Variants in SNX29 observed in about 807,000 individuals in gnomAD.
SNX29 encodes the protein sorting nexin-29.
Under a neutral mutation model 102.1 loss-of-function variants are expected in SNX29, and 78 were observed. The ratio of observed to expected loss-of-function variants is 0.76; its 90% confidence interval spans 0.64 to 0.92. The LOEUF is 0.92. Among genes scored for constraint, SNX29 ranks in the 40% least tolerant of loss-of-function variants. The probability of loss-of-function intolerance (pLI) is 0.00; values close to 1 mark genes in which losing one functional copy is unlikely to be tolerated. For synonymous variants in SNX29, 580 were observed against 414.5 expected (o/e 1.40, Z -4.85); for missense variants, 1,280 against 1,061.7 (o/e 1.21, Z -2.86).
intron 16 of SNX29, among the ~76,000 whole-genome samples, chr16:12,362,046 G>C (rs34453468): frequency 0.98 from 149,002 of 152,336 alleles, 72,888 homozygotes; most frequent in East Asian, 1. Flanking sequence ...TGAATTCCTT[G>C]TTCTGTGTCC....
chr16:12,270,789 C>T (rs1288592929), intron 14 of SNX29, among the ~76,000 whole-genome samples: 1 of 152,104 alleles, frequency 6.6e-6, no homozygotes, highest in African/African-American at 2.4e-5. Context: ...TGTCAGTAAT[C>T]CCAGCACTTT....
chr16:12,558,949 C>G (rs75614405), intron 20 of SNX29, among the ~76,000 whole-genome samples: 1,614 of 152,284 alleles, frequency 0.011, 23 homozygotes, highest in African/African-American at 0.037. Context: ...ATATCGGCCC[C>G]ATGTTTCAGG....
At chr16:12,457,830 A>C (rs2086605109) in intron 18 of SNX29, among the ~76,000 whole-genome samples, 1 of 152,234 alleles carries the variant, frequency 6.6e-6, no homozygotes, top group Non-Finnish European at 1.5e-5. Context: ...CATTGGGTAA[A>C]TTAACTGTAT....
chr16:12,532,570 G>A (rs1037956344), intron 20 of SNX29, among the ~76,000 whole-genome samples: 3 of 152,198 alleles, frequency 2.0e-5, no homozygotes, highest in African/African-American at 7.2e-5. Context: ...CAGGAATTCT[G>A]ACTTCACCAT....
intron 1 of SNX29, among the ~76,000 whole-genome samples, chr16:11,995,969 A>C (rs1046579569): frequency 2.0e-5 from 3 of 151,908 alleles, no homozygotes; most frequent in Non-Finnish European, 4.4e-5. Context: ...CTGAGGCAGG[A>C]GAATTGCTTG....
rs370570651 is a variant in SNX29, at chr16:12,568,725, G to T, written c.*96G>T. ...CCCCTCACCTCAGCGTGACAACCAC[G>T]TCCACCTGGTGATCCTGAGAGCACA... On this transcript the variant is annotated 3_prime_UTR_variant, in exon 21 of 21. Coordinates refer to ENST00000566228, the MANE Select transcript of SNX29 (RefSeq NM_032167.5). The T allele has an allele frequency of 1.0e-5, 15 of 1,505,962 alleles. No homozygotes were observed. The highest frequency in any genetic ancestry group is 1.4e-5 in the African/African-American group (1 of 72,196). 93.3% of individuals were successfully genotyped at this position (1,505,962 alleles called of 1,614,324 possible).
intron 1 of SNX29, among the ~76,000 whole-genome samples, chr16:11,995,958 G>A (rs1371442303): frequency 2.6e-5 from 4 of 152,066 alleles, no homozygotes; most frequent in Non-Finnish European, 5.9e-5. Flanking sequence ...TTTTTGGGAG[G>A]CTGAGGCAGG....
chr16:12,083,284 C>T lies in SNX29; in HGVS notation c.1402+4369C>T, dbSNP rs144295988. Among the ~76,000 whole-genome samples, 541 of 146,376 alleles carry T rather than the reference C, an allele frequency of 3.7e-3. 4 individuals are homozygous for T. The highest frequency in any genetic ancestry group is 0.013 in the African/African-American group (511 of 38,616). ...TTGCACCACTGCACTCCAGCCTGGG[C>T]GACAGAGCAAGACTATGTCTCAAAA... On this transcript the variant is annotated intron_variant, in intron 11 of 20. Transcript: ENST00000566228.
chr16:11,988,293 CA>C (rs35258709), intron 1 of SNX29, among the ~76,000 whole-genome samples: 38,852 of 129,054 alleles, frequency 0.3, 5,690 homozygotes, highest in East Asian at 0.52. Flanking sequence ...GACTCCATCT[CA>C]AAAAAAAAAA....
intron 13 of SNX29, among the ~76,000 whole-genome samples, chr16:12,134,658 A>G (rs1168519138): frequency 1.3e-5 from 2 of 152,192 alleles, no homozygotes; most frequent in East Asian, 1.9e-4. Context: ...TGCTTCTGCT[A>G]TATTCTGTAG....
intron 20 of SNX29, among the ~76,000 whole-genome samples, chr16:12,567,128 T>TG (rs1189523955): frequency 6.6e-6 from 1 of 152,256 alleles, no homozygotes; most frequent in Non-Finnish European, 1.5e-5. Context: ...TTAACTCACA[T>TG]GATTTGTGAA....
chr16:12,524,557 G>C, intron 19 of SNX29, 145 bp from the exon 20 acceptor site: 2 of 821,510 alleles, frequency 2.4e-6, no homozygotes, highest in Non-Finnish European at 3.6e-6. Flanking sequence ...TACATGTAAG[G>C]GCTTAGGGAC....
chr16:11,992,298 A>T (rs575948212), intron 1 of SNX29, among the ~76,000 whole-genome samples: 14 of 149,002 alleles, frequency 9.4e-5, no homozygotes, highest in East Asian at 2.0e-4. Context: ...CATCTCTTAA[A>T]TTTTTTTTTT....
At chr16:12,245,747 G>A (rs1472726963) in intron 14 of SNX29, among the ~76,000 whole-genome samples, 1 of 152,062 alleles carries the variant, frequency 6.6e-6, no homozygotes, top group East Asian at 1.9e-4. Flanking sequence ...TCCTTGGCTG[G>A]AAACACACTT....
At chr16:12,425,810 G>A (rs1018276930) in intron 18 of SNX29, among the ~76,000 whole-genome samples, 1 of 152,036 alleles carries the variant, frequency 6.6e-6, no homozygotes, top group African/African-American at 2.4e-5. Context: ...AGCATCTTGT[G>A]CTGAGAGCTA....
At chr16:12,548,461 G>C (rs1385854948) in intron 20 of SNX29, among the ~76,000 whole-genome samples, 1 of 152,166 alleles carries the variant, frequency 6.6e-6, no homozygotes, top group East Asian at 1.9e-4. Flanking sequence ...TGTGTCTTTT[G>C]GACAGCACCG....
At chr16:12,164,994 A>G (rs1354566474) in intron 13 of SNX29, among the ~76,000 whole-genome samples, 3 of 152,032 alleles carry the variant, frequency 2.0e-5, no homozygotes, top group African/African-American at 4.8e-5. Context: ...GGCCTTATTC[A>G]TGCCTTTTTG....
At chr16:12,454,292 C>T (rs937917851) in intron 18 of SNX29, among the ~76,000 whole-genome samples, 1 of 152,222 alleles carries the variant, frequency 6.6e-6, no homozygotes, top group Non-Finnish European at 1.5e-5. Flanking sequence ...GCCTCAGTCC[C>T]TGATGACTAA....
intron 16 of SNX29, among the ~76,000 whole-genome samples, chr16:12,386,042 G>A (rs546541968): frequency 2.9e-4 from 44 of 152,318 alleles, no homozygotes; most frequent in South Asian, 2.1e-4. Flanking sequence ...CTGGCCAGGT[G>A]TCCCCGTCAC....
Sources: gnomAD v4.1 joint callset for allele counts (sites outside exome capture counted in the v4.1 genomes callset) on GRCh38, gnomAD v4.1.1 for gene constraint, MANE v1.5 for transcripts, NCBI Gene and HGNC (gene_info 2026-07-23, HGNC 2026-07-21) for gene names.